ARHGAP26: variants seen among roughly 807,000 people sequenced by gnomAD.
The protein encoded by ARHGAP26 is rho GTPase-activating protein 26.
Under a neutral mutation model 104.8 loss-of-function variants are expected in ARHGAP26, and 38 were observed. The observed-to-expected ratio is 0.36, with a 90% CI of 0.28 to 0.48. ARHGAP26 has a LOEUF of 0.48. Ranked by LOEUF, ARHGAP26 falls within the 20% of genes least tolerant of loss-of-function variation. The pLI, the probability that ARHGAP26 is intolerant of heterozygous loss-of-function variation, is 0.99. For synonymous variants in ARHGAP26, 341 were observed against 340.0 expected (o/e 1.00, Z -0.03); for missense variants, 704 against 947.9 (o/e 0.74, Z 3.38).
At chr5:143,215,091 C>T (rs959461233) in intron 22 of ARHGAP26, among the ~76,000 whole-genome samples, 1 of 152,220 alleles carries the variant, frequency 6.6e-6, no homozygotes, top group Non-Finnish European at 1.5e-5. Flanking sequence ...GCCCAGGCGG[C>T]GGAGTCCTGG....
intron 17 of ARHGAP26, among the ~76,000 whole-genome samples, chr5:143,100,234 GAAAAA>G (rs369101783): frequency 5.4e-4 from 82 of 152,250 alleles, no homozygotes; most frequent in African/African-American, 1.9e-3. Context: ...CTTCTGAAAA[GAAAAA>G]TAAAGGTAAA....
intron 17 of ARHGAP26, chr5:143,103,381 T>C (rs1469497805): frequency 2.8e-5 from 7 of 249,942 alleles, no homozygotes; most frequent in Non-Finnish European, 6.3e-6. Context: ...TGGAAGACAG[T>C]GTGGCAATTC....
intron 11 of ARHGAP26, among the ~76,000 whole-genome samples, chr5:142,951,012 CCTTTCCCTTTCT>C (rs1316216000): frequency 1.5e-4 from 1 of 6,886 alleles, no homozygotes; most frequent in African/African-American, 4.4e-4. Flanking sequence ...TTTCCCTTTC[CCTTTCCCTTTCT>C]CTTTCCCTTT....
chr5:142,867,288 G>GGT (rs70991782), intron 1 of ARHGAP26, among the ~76,000 whole-genome samples: 6,869 of 143,584 alleles, frequency 0.048, 175 homozygotes, highest in African/African-American at 0.052. Context: ...ATTTGCACAG[G>GGT]GTGTGTGTGT....
At chr5:142,906,075 T>G (rs1397485573) in intron 8 of ARHGAP26, among the ~76,000 whole-genome samples, 2 of 152,214 alleles carry the variant, frequency 1.3e-5, no homozygotes, top group African/African-American at 4.8e-5. Flanking sequence ...TTCTTCAGCA[T>G]GGGTTTATCT....
At chr5:142,863,093 G>A (rs1318434316) in intron 1 of ARHGAP26, among the ~76,000 whole-genome samples, 2 of 151,242 alleles carry the variant, frequency 1.3e-5, no homozygotes, top group Admixed American at 6.6e-5. Flanking sequence ...TGGCTCCTTG[G>A]TTTTCAAGTG....
At chr5:142,910,892 G>C (rs1425617300) in intron 9 of ARHGAP26, among the ~76,000 whole-genome samples, 4 of 152,196 alleles carry the variant, frequency 2.6e-5, no homozygotes, top group African/African-American at 9.6e-5. Flanking sequence ...GCTCTCCTAG[G>C]AGCTAGAGGT....
chr5:142,882,374 A>G (rs562968483), intron 4 of ARHGAP26, among the ~76,000 whole-genome samples: 75 of 152,312 alleles, frequency 4.9e-4, no homozygotes, highest in Admixed American at 9.1e-4. Flanking sequence ...TAGTCATTCA[A>G]TGTTAGTGAT....
intron 11 of ARHGAP26, among the ~76,000 whole-genome samples, chr5:142,956,355 C>CCTGTTTTCTCTGG (rs555305982): frequency 2.3e-4 from 35 of 152,186 alleles, no homozygotes; most frequent in African/African-American, 7.5e-4. Context: ...ATGGGAGGAT[C>CCTGTTTTCTCTGG]ACTTGAGCCC....
intron 11 of ARHGAP26, among the ~76,000 whole-genome samples, chr5:143,009,127 A>C (rs1033586744): frequency 5.3e-5 from 8 of 151,990 alleles, no homozygotes; most frequent in Non-Finnish European, 7.4e-5. Flanking sequence ...GAGAATATGA[A>C]GTGTTACTTC....
chr5:142,990,032 A>G (rs1775359937), intron 11 of ARHGAP26, among the ~76,000 whole-genome samples: 1 of 152,140 alleles, frequency 6.6e-6, no homozygotes, highest in Admixed American at 6.5e-5. Flanking sequence ...TCTCCTGGAT[A>G]ATATCCTGCA....
At chr5:142,839,419 A>G (rs1037822327) in intron 1 of ARHGAP26, among the ~76,000 whole-genome samples, 5 of 152,150 alleles carry the variant, frequency 3.3e-5, no homozygotes, top group Non-Finnish European at 7.4e-5. Flanking sequence ...CAGAGCGGTC[A>G]TATAACTTGC....
intron 1 of ARHGAP26, among the ~76,000 whole-genome samples, chr5:142,802,746 T>A (rs1454291303): frequency 6.6e-6 from 1 of 152,170 alleles, no homozygotes; most frequent in African/African-American, 2.4e-5. Flanking sequence ...AAATTTAGAA[T>A]TAGCTCAGGG....
chr5:143,108,853 A>G (rs1794409800), intron 17 of ARHGAP26, among the ~76,000 whole-genome samples: 2 of 152,226 alleles, frequency 1.3e-5, no homozygotes, highest in South Asian at 4.1e-4. Flanking sequence ...AGAAGCTGCA[A>G]TGAGATTTAC....
At chr5:142,810,982 A>G (rs1468921658) in intron 1 of ARHGAP26, among the ~76,000 whole-genome samples, 1 of 152,094 alleles carries the variant, frequency 6.6e-6, no homozygotes, top group African/African-American at 2.4e-5. Context: ...GAATAAATCT[A>G]CCCGCTTCCA....
intron 19 of ARHGAP26, among the ~76,000 whole-genome samples, chr5:143,144,960 G>A (rs551547321): frequency 3.3e-5 from 5 of 152,144 alleles, no homozygotes; most frequent in Non-Finnish European, 4.4e-5. Context: ...AACTGTAGTC[G>A]TTTTATAGTC....
intron 11 of ARHGAP26, among the ~76,000 whole-genome samples, chr5:143,005,307 C>T (rs1011132655): frequency 3.3e-5 from 5 of 152,204 alleles, no homozygotes; most frequent in South Asian, 2.1e-4. Flanking sequence ...GTGTGGTAGC[C>T]GAAGTTGGCC....
chr5:142,921,037 T>G (rs1178198157), intron 10 of ARHGAP26, among the ~76,000 whole-genome samples: 1 of 152,226 alleles, frequency 6.6e-6, no homozygotes, highest in Non-Finnish European at 1.5e-5. Flanking sequence ...AGGACTTTCT[T>G]AACAGACCTC....
chr5:142,880,942 G>A (rs912196947), intron 4 of ARHGAP26, among the ~76,000 whole-genome samples: 1 of 152,226 alleles, frequency 6.6e-6, no homozygotes, highest in East Asian at 1.9e-4. Flanking sequence ...ACTAATTTTA[G>A]TTTACACATT....
Sources: gnomAD v4.1 joint callset for allele counts (sites outside exome capture counted in the v4.1 genomes callset) on GRCh38, gnomAD v4.1.1 for gene constraint, MANE v1.5 for transcripts, NCBI Gene and HGNC (gene_info 2026-07-23, HGNC 2026-07-21) for gene names.